Variants in CLASP2 observed in about 807,000 individuals in gnomAD.
The protein encoded by CLASP2 is CLIP-associating protein 2.
A neutral mutation model predicts 194.4 loss-of-function variants in CLASP2; 47 were observed. The ratio of observed to expected loss-of-function variants is 0.24; its 90% CI spans 0.19 to 0.31. The LOEUF is 0.31. Ranked by LOEUF, CLASP2 falls within the 10% of genes least tolerant of loss-of-function variation. CLASP2 has a pLI of 1.00. For missense variants in CLASP2, 1,445 were observed against 1,823.6 expected (o/e 0.79, Z 3.78); for synonymous variants, 619 against 633.5 (o/e 0.98, Z 0.34).
chr3:33,667,406 C>CAAAAGAAAAA (rs2086379365), intron 6 of CLASP2, among the ~76,000 whole-genome samples: 1 of 44,148 alleles, frequency 2.3e-5, no homozygotes, highest in Admixed American at 2.9e-4. Flanking sequence ...GAGACTATCT[C>CAAAAGAAAAA]AAAAAAAAAA....
intron 2 of CLASP2, among the ~76,000 whole-genome samples, chr3:33,695,220 A>ATTTTTTTTTTTTT (rs762657276): frequency 1.9e-5 from 2 of 103,840 alleles, no homozygotes; most frequent in African/African-American, 7.6e-5. Context: ...AAGCCTGCTA[A>ATTTTTTTTTTTTT]TTTTTTTTTT....
chr3:33,605,217 T>C (rs893130335), intron 16 of CLASP2, among the ~76,000 whole-genome samples: 1 of 152,150 alleles, frequency 6.6e-6, no homozygotes, highest in African/African-American at 2.4e-5. Context: ...CCAAAATTAC[T>C]GAATCAGATT....
intron 1 of CLASP2, among the ~76,000 whole-genome samples, chr3:33,714,100 C>T (rs1286610825): frequency 6.6e-6 from 1 of 152,092 alleles, no homozygotes; most frequent in Non-Finnish European, 1.5e-5. Context: ...TTTCCTAAGG[C>T]CATCTCAAAA....
At chr3:33,577,294 C>G (rs2065109058) in intron 23 of CLASP2, 2 of 1,568,426 alleles carry the variant, frequency 1.3e-6, no homozygotes. Context: ...CAAACCTCAT[C>G]TATTACCACA....
At chr3:33,685,449 T>A (rs2090538053) in intron 5 of CLASP2, among the ~76,000 whole-genome samples, 1 of 151,988 alleles carries the variant, frequency 6.6e-6, no homozygotes, top group South Asian at 2.1e-4. Flanking sequence ...TGTATTTTCC[T>A]GTATTAAGAC....
intron 8 of CLASP2, among the ~76,000 whole-genome samples, chr3:33,643,182 A>G (rs1024689915): frequency 2.0e-5 from 3 of 151,952 alleles, no homozygotes; most frequent in Admixed American, 6.6e-5. Context: ...TTCTAAAAAG[A>G]TACCAAACCA....
chr3:33,568,151 A>G (rs933584420), intron 26 of CLASP2, among the ~76,000 whole-genome samples: 17 of 152,212 alleles, frequency 1.1e-4, no homozygotes, highest in Non-Finnish European at 2.4e-4. Context: ...AGTTGATCAT[A>G]TATGACAGGG....
At position 33,559,383 on chromosome 3, in the gene CLASP2, T is replaced by C; in HGVS notation, c.2933A>G (p.Glu978Gly). Residue 978 changes from glutamate (E) to glycine (G), a missense_variant and splice_region_variant, in exon 29 of 39, where the codon GAG becomes GGG. Glu to Gly is a moderately conservative substitution (Grantham distance 98, BLOSUM62 -2). This residue lies in a region of CLASP2 where 732 missense variants were observed against 987.9 expected (regional missense o/e 0.74). Transcript: ENST00000682230. Reference protein sequence around the residue: ...KVQKALDVTRESFPNDLQFNI... With the variant: ...KVQKALDVTRGSFPNDLQFNI... ...GAACTGAAGATCATTTGGAAAAGAC[T>C]CTCTGAAACAAGAACAAAGCAAAAC... The C allele has an allele frequency of 6.3e-7, 1 of 1,579,770 alleles. No homozygotes were observed. Among genetic ancestry groups the C allele is most frequent in the African/African-American group, 1.3e-5 (1 of 74,430 alleles).
chr3:33,530,634 T>C (rs1338801609), intron 34 of CLASP2, among the ~76,000 whole-genome samples: 1 of 152,232 alleles, frequency 6.6e-6, no homozygotes, highest in Non-Finnish European at 1.5e-5. Context: ...CATTGCACTA[T>C]GATGGTATGA....
At chr3:33,702,796 A>G (rs2092459992) in intron 1 of CLASP2, among the ~76,000 whole-genome samples, 1 of 152,190 alleles carries the variant, frequency 6.6e-6, no homozygotes, top group Non-Finnish European at 1.5e-5. Flanking sequence ...AAAGAATAGA[A>G]AGTCTGGAAA....
chr3:33,606,051 G>C (rs1359291424), intron 16 of CLASP2, among the ~76,000 whole-genome samples: 1 of 152,092 alleles, frequency 6.6e-6, no homozygotes, highest in Non-Finnish European at 1.5e-5. Context: ...CATAGGGCTA[G>C]AGAGACAGAA....
chr3:33,699,566 G>C (rs950858452), intron 1 of CLASP2, among the ~76,000 whole-genome samples: 2 of 152,088 alleles, frequency 1.3e-5, no homozygotes, highest in South Asian at 4.1e-4. Context: ...CAGTATAGTA[G>C]TCCCCCCTTA....
chr3:33,708,699 T>C (rs1043733446), intron 1 of CLASP2, among the ~76,000 whole-genome samples: 1 of 151,974 alleles, frequency 6.6e-6, no homozygotes, highest in South Asian at 2.1e-4. Flanking sequence ...GAGATAGTGA[T>C]TTATTTTCTT....
chr3:33,640,576 A>C (rs1201043734), intron 8 of CLASP2, among the ~76,000 whole-genome samples: 1 of 152,136 alleles, frequency 6.6e-6, no homozygotes, highest in Non-Finnish European at 1.5e-5. Context: ...GAACTTTAAG[A>C]ATTGAAGATT....
In CLASP2 at chr3:33,517,592, G is replaced by A. The variant is rs182553187; in HGVS notation, c.3788-418C>T. Among the ~76,000 whole-genome samples the A allele has an allele frequency of 2.6e-5, 4 of 151,962 alleles. No individual in the cohort carries two copies. In the East Asian group the frequency reaches 5.9e-4, roughly 22 times the overall value. On this transcript the variant is annotated intron_variant, in intron 34 of 38. Coordinates refer to ENST00000682230, the MANE Select transcript of CLASP2 (RefSeq NM_001365631.1). The stretch of plus-strand genomic sequence containing the variant: ...CCAGGAGGCTTAAATGGCTTTTAGG[G>A]ATGATAAAAACGACCACTGGATTTA...
At chr3:33,520,621 AATAGCAGAGATAGCAGAAAAACTG>A (rs2052740663) in intron 34 of CLASP2, among the ~76,000 whole-genome samples, 1 of 152,140 alleles carries the variant, frequency 6.6e-6, no homozygotes, top group African/African-American at 2.4e-5. Context: ...GTAAGGAGGT[AATAGCAGAGATAGCAGAAAAACTG>A]GTAGCATACA....
At chr3:33,615,019 T>C (rs1449532480) in intron 12 of CLASP2, among the ~76,000 whole-genome samples, 1 of 151,948 alleles carries the variant, frequency 6.6e-6, no homozygotes, top group African/African-American at 2.4e-5. Context: ...AAAGTGAACC[T>C]GAAGTTCAAC....
At chr3:33,632,125 T>C (rs1462879809) in intron 9 of CLASP2, among the ~76,000 whole-genome samples, 167 bp downstream of exon 9, 1 of 152,180 alleles carries the variant, frequency 6.6e-6, no homozygotes, top group Non-Finnish European at 1.5e-5. Flanking sequence ...AAAAATCACT[T>C]GAAAATCTAA....
intron 7 of CLASP2, chr3:33,645,105 A>G: frequency 3.0e-6 from 2 of 663,410 alleles, no homozygotes; most frequent in Non-Finnish European, 5.3e-6. Context: ...ATCAAAATGC[A>G]GTATTTTCAT....
Sources: gnomAD v4.1 joint callset for allele counts (sites outside exome capture counted in the v4.1 genomes callset) on GRCh38, gnomAD v4.1.1 for gene constraint, gnomAD v4.1.1 regional missense constraint, MANE v1.5 for transcripts, NCBI Gene and HGNC (gene_info 2026-07-23, HGNC 2026-07-21) for gene names.